The following GPHN variants were observed in gnomAD, a reference collection of about 807,000 sequenced individuals.
GPHN encodes the protein gephyrin.
Under a neutral mutation model 95.5 loss-of-function variants are expected in GPHN, and 17 were observed. The ratio of observed to expected loss-of-function variants is 0.18; its 90% CI spans 0.12 to 0.27. GPHN has a LOEUF of 0.27. Among genes scored for constraint, GPHN ranks in the 10% least tolerant of loss-of-function variants. The pLI is 1.00. For missense variants in GPHN, 660 were observed against 978.1 expected (o/e 0.67, Z 4.34); for synonymous variants, 320 against 322.5 (o/e 0.99, Z 0.08).
chr14:66,509,475 C>T (rs905716118), intron 1 of GPHN: 3 of 152,238 alleles, frequency 2.0e-5, no homozygotes, highest in Admixed American at 1.3e-4. Flanking sequence ...ATGTCTGATT[C>T]CGTTGCGCTG....
intron 2 of GPHN, among the ~76,000 whole-genome samples, chr14:66,763,075 A>G (rs139328916): frequency 6.6e-6 from 1 of 152,302 alleles, no homozygotes; most frequent in African/African-American, 2.4e-5. Flanking sequence ...CATGCATACT[A>G]TATACTGTCA....
chr14:67,728,681 TGACCGC>T, the GPHN span, among the ~76,000 whole-genome samples: 1 of 139,590 alleles, frequency 7.2e-6, no homozygotes, highest in Non-Finnish European at 1.5e-5. Flanking sequence ...TGAAAAATAG[TGACCGC>T]ACCAGGGATA....
the GPHN span, among the ~76,000 whole-genome samples, chr14:67,606,632 G>A: frequency 6.6e-6 from 1 of 151,946 alleles, no homozygotes; most frequent in Non-Finnish European, 1.5e-5. Flanking sequence ...CCTGGTTTTT[G>A]TTGTTGTTGT....
chr14:67,447,391 T>C, the GPHN span: 1 of 152,052 alleles, frequency 6.6e-6, no homozygotes, highest in Non-Finnish European at 1.5e-5. Flanking sequence ...ATTCACACTA[T>C]AGCAGGAAGA....
chr14:67,642,793 CTTTTTTTT>C, the GPHN span, among the ~76,000 whole-genome samples: 21 of 75,550 alleles, frequency 2.8e-4, no homozygotes, highest in South Asian at 6.3e-4. Context: ...ACTACATTTT[CTTTTTTTT>C]TTTTTTTTTT....
At chr14:67,709,745 A>C in the GPHN span, among the ~76,000 whole-genome samples, 437 of 152,330 alleles carry the variant, frequency 2.9e-3, 3 homozygotes, top group Non-Finnish European at 4.2e-3. Flanking sequence ...TCAGTGTTTA[A>C]AAAATTAGCA....
chr14:67,093,430 G>A (rs1227816166), intron 12 of GPHN, among the ~76,000 whole-genome samples: 1 of 151,884 alleles, frequency 6.6e-6, no homozygotes, highest in African/African-American at 2.4e-5. Context: ...GGCTTTTGTT[G>A]TATCCATTTG....
chr14:66,640,020 G>T (rs748895595), intron 1 of GPHN, among the ~76,000 whole-genome samples: 1 of 152,150 alleles, frequency 6.6e-6, no homozygotes, highest in Non-Finnish European at 1.5e-5. Context: ...ATAGACTGGA[G>T]TAAAGGCATT....
chr14:67,091,984 C>T (rs1442414994), intron 12 of GPHN, among the ~76,000 whole-genome samples: 3 of 151,804 alleles, frequency 2.0e-5, no homozygotes, highest in East Asian at 3.9e-4. Flanking sequence ...CATATAAGAG[C>T]GACATAAGTG....
At position 66,856,289 on chromosome 14, in the gene GPHN, T is replaced by A. The variant is rs961774124; in HGVS notation, c.295-23650T>A. Among the ~76,000 whole-genome samples the A allele has an allele frequency of 3.3e-5, 5 of 152,144 alleles. No homozygotes were observed. The East Asian group carries it at 9.6e-4, about 29-fold the overall frequency. On this transcript the variant is annotated intron_variant, in intron 4 of 22. Transcript: ENST00000478722. ...GGAGGTGATCTCAACTCTGTGCTAA[T>A]TCAAACAATTTATATTTCCAGGTAA...
At chr14:67,693,914 G>A in the GPHN span, among the ~76,000 whole-genome samples, 1 of 152,134 alleles carries the variant, frequency 6.6e-6, no homozygotes, top group Non-Finnish European at 1.5e-5. Flanking sequence ...GCCTCCCAAA[G>A]TGCTGGGATT....
chr14:67,542,104 TC>T, the GPHN span: 2 of 1,019,080 alleles, frequency 2.0e-6, no homozygotes, highest in South Asian at 1.7e-5. Flanking sequence ...AAGATGCTTT[TC>T]CCCATATGCA....
intron 1 of GPHN, among the ~76,000 whole-genome samples, chr14:66,520,678 AGT>A (rs754237101): frequency 1.1e-3 from 159 of 151,090 alleles, no homozygotes; most frequent in Non-Finnish European, 1.7e-3. Flanking sequence ...CTTCCCAATT[AGT>A]GAGTCCAGAG....
chr14:67,296,913 C>G, the GPHN span, among the ~76,000 whole-genome samples: 2 of 152,200 alleles, frequency 1.3e-5, no homozygotes, highest in East Asian at 3.9e-4. Context: ...TCTCAGCCTC[C>G]CAGAGTACTG....
intron 12 of GPHN, among the ~76,000 whole-genome samples, chr14:67,095,954 A>G (rs546484847): frequency 7.2e-6 from 1 of 139,546 alleles, no homozygotes; most frequent in Non-Finnish European, 1.5e-5. Context: ...AAAAAAAAAG[A>G]AAAGAAAAAG....
chr14:66,821,974 C>T (rs61989622), intron 3 of GPHN, among the ~76,000 whole-genome samples: 38 of 152,122 alleles, frequency 2.5e-4, no homozygotes, highest in Non-Finnish European at 3.8e-4. Context: ...TTGTTCGAGA[C>T]GGAGTCTTGC....
chr14:66,824,765 G>A (rs992244902), intron 4 of GPHN, among the ~76,000 whole-genome samples, 199 bp downstream of exon 4: 1 of 152,092 alleles, frequency 6.6e-6, no homozygotes, highest in Non-Finnish European at 1.5e-5. Context: ...TAAACTAGAA[G>A]TGATAGAATA....
chr14:67,312,053 C>T, the GPHN span: 2 of 152,598 alleles, frequency 1.3e-5, no homozygotes, highest in Non-Finnish European at 2.9e-5. Flanking sequence ...TTGGAAATTG[C>T]ATACCTTATT....
chr14:67,200,063 C>A, the GPHN span: 1 of 950,850 alleles, frequency 1.1e-6, no homozygotes, highest in African/African-American at 1.6e-5. Flanking sequence ...CAGCCACCAC[C>A]CCAACCACCA....
Sources: allele counts gnomAD v4.1 joint callset (sites outside exome capture counted in the v4.1 genomes callset), GRCh38; gene constraint gnomAD v4.1.1; transcripts MANE v1.5; gene names NCBI Gene and HGNC (gene_info 2026-07-23, HGNC 2026-07-21).